The following P2RX6 variants were observed in gnomAD, a reference collection of about 807,000 sequenced individuals.
The protein encoded by P2RX6 is P2X purinoceptor 6.
P2RX6 carries 62 observed loss-of-function variants against 54.2 expected under a neutral mutation model. The ratio of observed to expected loss-of-function variants is 1.14; its 90% CI spans 0.93 to 1.41. The LOEUF is 1.41. P2RX6 is among the 40% of genes most tolerant of loss of function. The pLI, the probability that P2RX6 is intolerant of heterozygous loss-of-function variation, is 0.00. For missense variants in P2RX6, 541 were observed against 566.3 expected (o/e 0.96, Z 0.45); for synonymous variants, 211 against 231.9 (o/e 0.91, Z 0.82).
At chr22:21,023,694 C>A in intron 8 of P2RX6, 76 bp downstream of exon 8, 1 of 997,368 alleles carries the variant, frequency 1.0e-6, no homozygotes, top group Non-Finnish European at 1.5e-6. Flanking sequence ...ACAGACCACA[C>A]CCAGGCCCAG....
At position 21,023,575 on chromosome 22, in the gene P2RX6, C is replaced by T. The variant is rs1253787374; in HGVS notation, c.847C>T (p.Pro283Ser). 1.2e-6 allele frequency: 2 copies of T among 1,612,920 alleles called. No homozygotes were observed. Among genetic ancestry groups the T allele is most frequent in the Non-Finnish European group, 8.5e-7 (1 of 1,179,510 alleles). The change falls in exon 8 of 12, where the codon CCT (proline) becomes TCT (serine). Residue 283 changes from proline (P) to serine (S), a missense_variant. Physicochemically the swap from Pro to Ser is moderately conservative, Grantham distance 74. Transcript: ENST00000413302. ...DLDTGDSGCWPHYSFQLQEKS... is the reference protein window; with the variant it reads ...DLDTGDSGCWSHYSFQLQEKS... ...GGACACCGGGGACTCTGGCTGCTGG[C>T]CTCACTACTCCTTCCAGCTGCAGGA...
At chr22:21,021,206 A>G (rs1421351575) in intron 3 of P2RX6, among the ~76,000 whole-genome samples, 2 of 152,068 alleles carry the variant, frequency 1.3e-5, no homozygotes, top group Admixed American at 6.5e-5. Flanking sequence ...CGAACTCCTG[A>G]GCTCAGGCAA....
At position 21,026,605 on chromosome 22, in the gene P2RX6, C is replaced by A. The variant is rs754106066; in HGVS notation, c.1314C>A (p.Ser438=). 4 of 1,584,202 alleles carry A rather than the reference C, an allele frequency of 2.5e-6. No individual in the cohort carries two copies. The highest frequency in any genetic ancestry group is 3.4e-6 in the Non-Finnish European group (4 of 1,166,390). The stretch of plus-strand genomic sequence containing the variant: ...CTGACACCCACTTGCCAACCCATTC[C>A]GGGAGCCTGTAGCCGTTCCCTGCTG... The part of the protein sequence containing the change: ...PSSDTHLPTH[S]GSL Residue 438 remains serine, a synonymous_variant, in exon 12 of 12, where the codon TCC becomes TCA. Transcript: ENST00000413302. This position sits in a 1 kb window ranked among gnomAD's most constrained non-coding sequence, Gnocchi z 4.0.
chr22:21,016,193 T>C, intron 2 of P2RX6, 101 bp downstream of exon 2: 1 of 1,235,006 alleles, frequency 8.1e-7, no homozygotes, highest in Non-Finnish European at 1.1e-6. Context: ...AAGCATGTGA[T>C]GCCAGAGACG....
chr22:21,020,464 A>T (rs1927153539), intron 3 of P2RX6, among the ~76,000 whole-genome samples: 1 of 151,120 alleles, frequency 6.6e-6, no homozygotes, highest in South Asian at 2.1e-4. Flanking sequence ...AATTCACAAA[A>T]CTCCATCTCC....
intron 2 of P2RX6, among the ~76,000 whole-genome samples, chr22:21,016,936 C>T (rs1569170389): frequency 6.6e-6 from 1 of 152,164 alleles, no homozygotes. Flanking sequence ...TTATTTTCCT[C>T]TCCTGGCATG....
At position 21,021,617 on chromosome 22, in the gene P2RX6, G is replaced by A. The variant is rs1199531496; in HGVS notation, c.388-1059G>A. Among the ~76,000 whole-genome samples the A allele has an allele frequency of 2.6e-5, 4 of 152,244 alleles. No homozygotes were observed. In the Middle Eastern group the frequency reaches 0.014, roughly 518 times the overall value. On this transcript the variant is annotated intron_variant, in intron 3 of 11. Coordinates refer to ENST00000413302, the MANE Select transcript of P2RX6 (RefSeq NM_005446.5). Reference sequence around the variant, plus strand: ...TTCTCAGAGGCCCTCAGCCTTCCTTGCGCCCCTGGTGCTGGTGTTCTTCCT... The same window carrying A: ...TTCTCAGAGGCCCTCAGCCTTCCTTACGCCCCTGGTGCTGGTGTTCTTCCT...
chr22:21,023,757 C>T (rs560447014), intron 8 of P2RX6, 139 bp downstream of exon 8: 32 of 658,046 alleles, frequency 4.9e-5, no homozygotes, highest in African/African-American at 4.5e-4. Flanking sequence ...CAGGAGAGAG[C>T]TGTTCTCAAC....
chr22:21,021,014 C>A (rs1406938521), intron 3 of P2RX6, among the ~76,000 whole-genome samples: 1 of 152,118 alleles, frequency 6.6e-6, no homozygotes, highest in Non-Finnish European at 1.5e-5. Flanking sequence ...TTAGGGCTAC[C>A]TGCCACTGGG....
At chr22:21,020,330 G>GC (rs1206841554) in intron 3 of P2RX6, among the ~76,000 whole-genome samples, 1 of 152,128 alleles carries the variant, frequency 6.6e-6, no homozygotes, top group Non-Finnish European at 1.5e-5. Flanking sequence ...CCAGAGTTCT[G>GC]CCAGCTCCTC....
At position 21,026,672 on chromosome 22, in the gene P2RX6, G is replaced by C; in HGVS notation, c.*55G>C. On this transcript the variant is annotated 3_prime_UTR_variant, in exon 12 of 12. Coordinates refer to ENST00000413302, the MANE Select transcript of P2RX6 (RefSeq NM_005446.5). This position sits in a 1 kb window ranked among gnomAD's most constrained non-coding sequence, Gnocchi z 4.0. Reference sequence around the variant, plus strand: ...TGGGAAGGGCGGGGCCCTGCCTGGGGATCTCAAGGATGAGGCCCCAGCATG... The same window carrying C: ...TGGGAAGGGCGGGGCCCTGCCTGGGCATCTCAAGGATGAGGCCCCAGCATG... 6.6e-7 allele frequency: 1 copy of C among 1,525,196 alleles called. No homozygotes were observed. Among genetic ancestry groups the C allele is most frequent in the Non-Finnish European group, 8.8e-7 (1 of 1,132,256 alleles). The allele number at this position is 1,525,196 out of a possible 1,614,324, so 94.5% of individuals were successfully genotyped here. A position where few individuals can be genotyped will look rare whatever the true frequency, so the allele number is the denominator to read the frequency against.
intron 3 of P2RX6, 49 bp downstream of exon 3, chr22:21,018,109 C>T: frequency 3.2e-6 from 4 of 1,267,358 alleles, no homozygotes; most frequent in South Asian, 1.2e-5. Flanking sequence ...CCTCCATCAG[C>T]CCCAGGGGGC....
upstream of P2RX6, chr22:21,015,032 A>T: frequency 1.9e-6 from 1 of 536,418 alleles, no homozygotes; most frequent in Non-Finnish European, 3.2e-6. Context: ...GGCAGCTGGG[A>T]TTAGGGGTTG....
In P2RX6 at chr22:21,018,080, TC is replaced by T; in HGVS notation, c.387+23del. The T allele has an allele frequency of 6.5e-7, 1 of 1,549,334 alleles. No individual in the cohort carries two copies. ...CCAGAGGTGAGTTTACCCAGGATCCTCCCAGCGGGTCCCTTGTTCCTCCATC... is the reference window on the plus strand; with the variant it reads ...CCAGAGGTGAGTTTACCCAGGATCCTCCAGCGGGTCCCTTGTTCCTCCATC... On this transcript the variant is annotated intron_variant, in intron 3 of 11. Transcript: ENST00000413302.
chr22:21,020,579 C>CTT (rs371860947), intron 3 of P2RX6, among the ~76,000 whole-genome samples: 1 of 132,556 alleles, frequency 7.5e-6, no homozygotes. Context: ...TGAGCAGAAT[C>CTT]TTTTTTTTTT....
At chr22:21,022,797 C>T (rs750494064) in intron 4 of P2RX6, 46 bp downstream of exon 4, 16 of 1,505,352 alleles carry the variant, frequency 1.1e-5, no homozygotes, top group East Asian at 4.6e-5. Flanking sequence ...GGGTGGGGGC[C>T]GGGCTGGGAT....
upstream of P2RX6, chr22:21,012,560 C>T: frequency 1.6e-6 from 1 of 621,188 alleles, no homozygotes; most frequent in South Asian, 1.6e-5. Flanking sequence ...AGGGCACCTG[C>T]CAGGGCCTCT....
At chr22:21,022,794 G>C (rs767759287) in intron 4 of P2RX6, 43 bp downstream of exon 4, 1 of 1,513,674 alleles carries the variant, frequency 6.6e-7, no homozygotes. Context: ...GCAGGGTGGG[G>C]GCCGGGCTGG....
chr22:21,013,122 T>A (rs1267879700), upstream of P2RX6: 1 of 164,212 alleles, frequency 6.1e-6, no homozygotes, highest in Non-Finnish European at 1.4e-5. Context: ...GGCACAATGC[T>A]ATGGATCCAG....
Sources: gnomAD v4.1 joint callset for allele counts (sites outside exome capture counted in the v4.1 genomes callset) on GRCh38, gnomAD v4.1.1 for gene constraint, Gnocchi (gnomAD v3.1) non-coding constraint, MANE v1.5 for transcripts, NCBI Gene and HGNC (gene_info 2026-07-23, HGNC 2026-07-21) for gene names.